Variants in ADAMTS6 observed in about 807,000 individuals in gnomAD.
The protein encoded by ADAMTS6 is ADAM metallopeptidase with thrombospondin type 1 motif 6.
Under a neutral mutation model 144.3 loss-of-function variants are expected in ADAMTS6, and 23 were observed. That is an observed-to-expected ratio of 0.16 (90% CI 0.11 to 0.23). The LOEUF (loss-of-function observed/expected upper bound fraction) is 0.23. ADAMTS6 is among the 10% of genes least tolerant of loss of function. The pLI is 1.00. For missense variants in ADAMTS6, 999 were observed against 1,379.6 expected (o/e 0.72, Z 4.37); for synonymous variants, 444 against 457.5 (o/e 0.97, Z 0.38).
chr5:65,314,853 A>G (rs908567246), intron 9 of ADAMTS6, among the ~76,000 whole-genome samples: 1 of 152,128 alleles, frequency 6.6e-6, no homozygotes, highest in Non-Finnish European at 1.5e-5. Context: ...GCTCTTCAGG[A>G]AAAGGGAAAA....
At position 65,230,764 on chromosome 5, in the gene ADAMTS6, AACAC is replaced by A. The variant is rs1279046738; in HGVS notation, c.1934-4549_1934-4546del. Among the ~76,000 whole-genome samples the A allele has an allele frequency of 8.2e-3, 867 of 106,374 alleles. 78 individuals are homozygous for A. Among genetic ancestry groups the A allele is most frequent in the African/African-American group, 0.021 (557 of 27,102 alleles). The allele number at this position is 106,374 out of a possible 152,430, so 69.8% of individuals were successfully genotyped here. A position where few individuals can be genotyped will look rare whatever the true frequency, so the allele number is the denominator to read the frequency against. ...ACACATATGTATGAAATATATATAT[AACAC>A]ATATGTATGAAATATATATATAACA... On this transcript the variant is annotated intron_variant, in intron 15 of 24. Transcript: ENST00000381055.
intron 7 of ADAMTS6, among the ~76,000 whole-genome samples, chr5:65,350,826 G>A (rs562105341): frequency 1.3e-5 from 2 of 152,086 alleles, no homozygotes; most frequent in East Asian, 3.9e-4. Flanking sequence ...GCCAATTTTT[G>A]TAGGAGAGAC....
intron 21 of ADAMTS6, among the ~76,000 whole-genome samples, chr5:65,188,974 G>A (rs1475128726): frequency 6.6e-6 from 1 of 152,168 alleles, no homozygotes; most frequent in Non-Finnish European, 1.5e-5. Flanking sequence ...GGACAGAGAA[G>A]ACCAGGTATC....
At chr5:65,244,512 C>A (rs1240060720) in intron 14 of ADAMTS6, among the ~76,000 whole-genome samples, 1 of 151,982 alleles carries the variant, frequency 6.6e-6, no homozygotes, top group African/African-American at 2.4e-5. Flanking sequence ...CATTTTTGAT[C>A]CACTTTTTTC....
rs75286618 is a variant in ADAMTS6 at position 65,215,582 on chromosome 5, G to A, written c.2273-95C>T. 1,241 of 1,083,740 alleles carry A rather than the reference G, an allele frequency of 1.1e-3. 7 individuals carry two copies. Among genetic ancestry groups the A allele is most frequent in the African/African-American group, 9.0e-3 (565 of 62,786 alleles). 67.1% of individuals were successfully genotyped at this position (1,083,740 alleles called of 1,614,324 possible). A position where few individuals can be genotyped will look rare whatever the true frequency, so the allele number is the denominator to read the frequency against. ...TGCAATAAAGTATACAATGAATACC[G>A]ATTTCCATTTAGAGATGTGACTCTT... is the stretch of plus-strand genomic sequence containing the variant. On this transcript the variant is annotated intron_variant, in intron 18 of 24. Coordinates refer to ENST00000381055, the MANE Select transcript of ADAMTS6 (RefSeq NM_197941.4).
At chr5:65,208,053 C>T (rs1271441642) in intron 20 of ADAMTS6, among the ~76,000 whole-genome samples, 2 of 152,158 alleles carry the variant, frequency 1.3e-5, no homozygotes, top group Non-Finnish European at 2.9e-5. Context: ...CATGCTATTC[C>T]TTCTTTCATT....
chr5:65,479,165 G>A (rs570352686), intron 1 of ADAMTS6, among the ~76,000 whole-genome samples: 1 of 152,168 alleles, frequency 6.6e-6, no homozygotes, highest in African/African-American at 2.4e-5. Context: ...ACAATACCAT[G>A]CTCCTTTCAG....
At chr5:65,277,674 G>C (rs1052893378) in intron 11 of ADAMTS6, among the ~76,000 whole-genome samples, 2 of 151,874 alleles carry the variant, frequency 1.3e-5, no homozygotes, top group African/African-American at 2.4e-5. Flanking sequence ...AAATTCCCAA[G>C]GGCAGGGTCT....
Position 65,260,632 on chromosome 5 carries a change from C to T in ADAMTS6, c.1798G>A (p.Glu600Lys). 6.2e-7 allele frequency: 1 copy of T among 1,613,528 alleles called. No homozygotes were observed. Among genetic ancestry groups the T allele is most frequent in the Non-Finnish European group, 8.5e-7 (1 of 1,179,752 alleles). ...TTACAGGAGCGATACCGTTTCCTTT[C>T]CCCAAGGCAATATTTTCCACCTCCT... ...PSGGGKYCLG[E>K]RKRYRSCNTD... The change falls in exon 14 of 25, where the codon GAA becomes AAA. Residue 600 changes from glutamate to lysine, a missense_variant. This residue lies in a region of ADAMTS6 where 619 missense variants were observed against 837.0 expected (regional missense o/e 0.74). Coordinates refer to ENST00000381055, the MANE Select transcript of ADAMTS6 (RefSeq NM_197941.4).
intron 11 of ADAMTS6, among the ~76,000 whole-genome samples, chr5:65,287,644 C>A (rs1741808123): frequency 6.6e-6 from 1 of 152,176 alleles, no homozygotes. Context: ...CATTTTCCAG[C>A]CTCAGCCTCC....
chr5:65,392,529 T>G (rs1042675713), intron 7 of ADAMTS6, among the ~76,000 whole-genome samples: 2 of 152,196 alleles, frequency 1.3e-5, no homozygotes, highest in African/African-American at 4.8e-5. Flanking sequence ...TACTATACTT[T>G]ATATTTTTGT....
intron 9 of ADAMTS6, among the ~76,000 whole-genome samples, chr5:65,326,522 A>T (rs769980878): frequency 6.6e-6 from 1 of 152,194 alleles, no homozygotes; most frequent in Non-Finnish European, 1.5e-5. Context: ...ACACAAGTAA[A>T]CACTGGGTGC....
At chr5:65,212,423 CTTTTT>C (rs397881866) in intron 20 of ADAMTS6, among the ~76,000 whole-genome samples, 5 of 107,860 alleles carry the variant, frequency 4.6e-5, no homozygotes, top group African/African-American at 7.0e-5. Context: ...TTTTCTCTCT[CTTTTT>C]TTTTTTTTTT....
intron 18 of ADAMTS6, 40 bp from the exon 19 acceptor site, chr5:65,215,527 T>G: frequency 6.4e-7 from 1 of 1,565,448 alleles, no homozygotes; most frequent in Non-Finnish European, 8.7e-7. Context: ...ATGTGAAATT[T>G]CATTTACCAA....
intron 7 of ADAMTS6, among the ~76,000 whole-genome samples, chr5:65,376,529 T>C (rs1439937076): frequency 6.6e-6 from 1 of 152,104 alleles, no homozygotes; most frequent in Non-Finnish European, 1.5e-5. Flanking sequence ...TATATTCACA[T>C]GCACTTAAAA....
chr5:65,470,943 G>C lies in ADAMTS6; in HGVS notation c.297C>G (p.Asn99Lys), dbSNP rs773601465. The C allele has an allele frequency of 6.2e-7, 1 of 1,612,926 alleles. No individual in the cohort carries two copies. Among genetic ancestry groups the C allele is most frequent in the East Asian group, 2.2e-5 (1 of 44,750 alleles). Residue 99 changes from asparagine (N) to lysine (K), a missense_variant, in exon 3 of 25, where the codon AAC (asparagine) becomes AAG (lysine). Asn to Lys is a moderately conservative substitution (Grantham distance 94). This residue lies in a region of ADAMTS6 where 252 missense variants were observed against 293.7 expected (regional missense o/e 0.86). Coordinates refer to ENST00000381055, the MANE Select transcript of ADAMTS6 (RefSeq NM_197941.4). Reference protein sequence around the residue: ...LSAYGKHFHLNLTLNTDFVSK... With the variant: ...LSAYGKHFHLKLTLNTDFVSK... ...ACACAAAATCTGTGTTGAGAGTCAA[G>C]TTTAGATGAAAGTGCTTGCCATAGG...
At chr5:65,270,198 T>C (rs1761947642) in intron 12 of ADAMTS6, among the ~76,000 whole-genome samples, 1 of 152,222 alleles carries the variant, frequency 6.6e-6, no homozygotes, top group Admixed American at 6.5e-5. Context: ...GTTGACCAGA[T>C]TAATTGAAAA....
rs1754786355 is a variant in ADAMTS6, at chr5:65,188,144, T to C, written c.2782A>G (p.Arg928Gly). The C allele has an allele frequency of 6.2e-7, 1 of 1,614,076 alleles. No homozygotes were observed. Residue 928 changes from arginine (R) to glycine (G), a missense_variant, in exon 22 of 25, where the codon AGG becomes GGG. By Grantham distance (125) the Arg-to-Gly change is moderately radical. Transcript: ENST00000381055. ...TCCTCCTCAGAAGGTCCGATCTTCC[T>C]GATGCAGAGCACTGCCCTTGTGCGC... Reference protein sequence around the residue: ...GMRTRAVLCIRKIGPSEEETL... With the variant: ...GMRTRAVLCIGKIGPSEEETL...
chr5:65,262,651 AGTCT>A (rs895549328), intron 13 of ADAMTS6, among the ~76,000 whole-genome samples, 162 bp downstream of exon 13: 2 of 152,200 alleles, frequency 1.3e-5, no homozygotes, highest in East Asian at 3.8e-4. Context: ...AGAAGAAGAA[AGTCT>A]GTCTAACAAA....
Sources: gnomAD v4.1 joint callset for allele counts (sites outside exome capture counted in the v4.1 genomes callset) on GRCh38, gnomAD v4.1.1 for gene constraint, gnomAD v4.1.1 regional missense constraint, MANE v1.5 for transcripts, NCBI Gene and HGNC (gene_info 2026-07-23, HGNC 2026-07-21) for gene names.